Variants in CCT6B observed in about 807,000 individuals in gnomAD.
CCT6B encodes probable T-complex protein 1 subunit zeta-2.
CCT6B carries 49 observed loss-of-function variants against 61.5 expected under a neutral mutation model. The observed-to-expected ratio is 0.80, with a 90% CI of 0.63 to 1.01. CCT6B has a LOEUF of 1.01. Among genes scored for constraint, CCT6B ranks in the 50% least tolerant of loss-of-function variants. CCT6B has a pLI of 0.00. For missense variants in CCT6B, 666 were observed against 634.7 expected (o/e 1.05, Z -0.53); for synonymous variants, 228 against 214.5 (o/e 1.06, Z -0.55).
chr17:34,931,996 A>G (rs1331637088), intron 11 of CCT6B, among the ~76,000 whole-genome samples: 1 of 152,222 alleles, frequency 6.6e-6, no homozygotes, highest in Non-Finnish European at 1.5e-5. Flanking sequence ...TAAATTGATT[A>G]CATTTGGATA....
chr17:34,946,723 G>T (rs1416201588), intron 5 of CCT6B, among the ~76,000 whole-genome samples: 1 of 152,132 alleles, frequency 6.6e-6, no homozygotes, highest in Non-Finnish European at 1.5e-5. Flanking sequence ...AAATAGCAAA[G>T]AGAATGACCA....
rs1438950391 is a variant in CCT6B at position 34,929,008 on chromosome 17, C to G, written c.1477G>C (p.Gly493Arg). 2.5e-6 allele frequency: 4 copies of G among 1,609,164 alleles called. No homozygotes were observed. Among genetic ancestry groups the G allele is most frequent in the Non-Finnish European group, 3.4e-6 (4 of 1,176,580 alleles). Residue 493 changes from glycine to arginine, a missense_variant, in exon 13 of 14, where the codon GGA becomes CGA. Gly to Arg is a moderately radical substitution (Grantham distance 125, BLOSUM62 -2). Coordinates refer to ENST00000314144, the MANE Select transcript of CCT6B (RefSeq NM_006584.4). ...TGEPMVAADA[G>R]VWDNYCVKKQ... The stretch of plus-strand genomic sequence containing the variant: ...TTTACACAATAATTATCCCAAACTC[C>G]TGCATCTGCTGCTACCATTGGCTCA...
chr17:34,939,209 C>T lies in CCT6B; in HGVS notation c.1187G>A (p.Arg396His), dbSNP rs375397470. The change falls in exon 10 of 14, where the codon CGT (arginine) becomes CAT (histidine). Residue 396 changes from arginine (R) to histidine (H), a missense_variant. By Grantham distance (29) the Arg-to-His change is conservative (BLOSUM62 0). Transcript: ENST00000314144. ...QVKDAIRDGL[R>H]AIKNAIEDGC... ...ATCTTCAATGGCATTTTTGATAGCA[C>T]GAAGTCCATCTCTTATGGCATCCTT... 5.4e-4 allele frequency: 871 copies of T among 1,613,612 alleles called. 6 individuals are homozygous for T. In the South Asian group the frequency reaches 8.3e-3, roughly 15 times the overall value.
chr17:34,935,515 T>C (rs1339734461), intron 10 of CCT6B, among the ~76,000 whole-genome samples: 1 of 152,218 alleles, frequency 6.6e-6, no homozygotes, highest in Non-Finnish European at 1.5e-5. Context: ...ATCCCAAGAA[T>C]GTAAGGTTTG....
At chr17:34,937,687 T>C (rs1398092963) in intron 10 of CCT6B, among the ~76,000 whole-genome samples, 1 of 152,050 alleles carries the variant, frequency 6.6e-6, no homozygotes, top group African/African-American at 2.4e-5. Context: ...GCATAATCCA[T>C]GACAGAATAA....
intron 5 of CCT6B, among the ~76,000 whole-genome samples, chr17:34,951,066 A>G (rs1338252802): frequency 6.6e-6 from 1 of 152,248 alleles, no homozygotes. Context: ...GGAAGAAAGA[A>G]CCTACAAATT....
chr17:34,928,976 T>C lies in CCT6B; in HGVS notation c.1509A>G (p.Gln503=), dbSNP rs200079227. Residue 503 remains glutamine (Q), a synonymous_variant, in exon 13 of 14, where the codon CAA becomes CAG. Transcript: ENST00000314144. Reference sequence around the variant, plus strand: ...TATGAACTTACCAAGAGTGAAGAAGTTGTTTTTTTACACAATAATTATCCC... The same window carrying C: ...TATGAACTTACCAAGAGTGAAGAAGCTGTTTTTTTACACAATAATTATCCC... ...GVWDNYCVKK[Q]LLHSCTVIAT... is the part of the protein sequence containing the mutation. 6.9e-6 allele frequency: 11 copies of C among 1,597,052 alleles called. No individual in the cohort carries two copies. The highest frequency in any genetic ancestry group is 9.4e-6 in the Non-Finnish European group (11 of 1,165,468).
chr17:34,956,313 T>C (rs950511421), intron 3 of CCT6B, among the ~76,000 whole-genome samples: 3 of 152,184 alleles, frequency 2.0e-5, no homozygotes, highest in African/African-American at 7.2e-5. Context: ...TGGAAAGCCA[T>C]TCTCCTCACC....
intron 5 of CCT6B, among the ~76,000 whole-genome samples, chr17:34,946,567 CAACA>C (rs749355977): frequency 9.5e-4 from 144 of 151,956 alleles, no homozygotes; most frequent in Admixed American, 2.9e-3. Context: ...TTCAAGAAAA[CAACA>C]GACATAAATC....
intron 5 of CCT6B, chr17:34,943,370 A>T (rs2090187777): frequency 6.6e-6 from 1 of 152,382 alleles, no homozygotes; most frequent in Non-Finnish European, 1.5e-5. Context: ...TCTTAGGAAC[A>T]TTTATTCAAA....
intron 10 of CCT6B, among the ~76,000 whole-genome samples, chr17:34,935,411 T>C (rs2090082857): frequency 6.6e-6 from 1 of 152,236 alleles, no homozygotes; most frequent in African/African-American, 2.4e-5. Context: ...AATTTTATGT[T>C]ATGTATATTT....
rs1353097044 is a variant in CCT6B at position 34,942,925 on chromosome 17, T to A, written c.615-19A>T. The A allele has an allele frequency of 7.2e-7, 1 of 1,386,070 alleles. No individual in the cohort carries two copies. Among genetic ancestry groups the A allele is most frequent in the East Asian group, 2.4e-5 (1 of 41,106 alleles). The allele number at this position is 1,386,070 out of a possible 1,614,324, so 85.9% of individuals were successfully genotyped here. ...GATCAACCTATTAAAAATATTAATGTTTCTTACTTTGAATATATACTCTAA... is the reference window on the plus strand; with the variant it reads ...GATCAACCTATTAAAAATATTAATGATTCTTACTTTGAATATATACTCTAA... On this transcript the variant is annotated intron_variant, in intron 5 of 13. Coordinates refer to ENST00000314144, the MANE Select transcript of CCT6B (RefSeq NM_006584.4).
Position 34,932,501 on chromosome 17 carries a change from C to T in CCT6B, c.1214-1G>A, listed in dbSNP as rs767576428. ...GCACCAGCTCCAGGAACCATACAAC[C>T]TATTGGAGAGAAAAAATATGATTGG... On this transcript the variant is annotated splice_acceptor_variant, in intron 10 of 13. Transcript: ENST00000314144. LOFTEE classifies it high-confidence loss of function. 1.9e-5 allele frequency: 30 copies of T among 1,587,806 alleles called. No homozygotes were observed. Among genetic ancestry groups the T allele is most frequent in the Non-Finnish European group, 2.6e-5 (30 of 1,171,916 alleles).
chr17:34,958,975 T>C (rs1318612186), intron 2 of CCT6B, among the ~76,000 whole-genome samples: 1 of 152,106 alleles, frequency 6.6e-6, no homozygotes, highest in Non-Finnish European at 1.5e-5. Flanking sequence ...AATACATGTA[T>C]TAAACTTGCA....
At chr17:34,939,128 T>C (rs1487676022) in intron 10 of CCT6B, 55 bp downstream of exon 10, 1 of 1,309,408 alleles carries the variant, frequency 7.6e-7, no homozygotes, top group East Asian at 2.3e-5. Flanking sequence ...TATATATATA[T>C]ACATATATAC....
intron 3 of CCT6B, among the ~76,000 whole-genome samples, chr17:34,957,823 T>C (rs992677060): frequency 6.6e-6 from 1 of 152,180 alleles, no homozygotes; most frequent in Non-Finnish European, 1.5e-5. Context: ...CATGATGTTT[T>C]CAGAGGCCAG....
intron 12 of CCT6B, among the ~76,000 whole-genome samples, chr17:34,930,129 G>A (rs115805227): frequency 0.011 from 1,732 of 152,198 alleles, 33 homozygotes; most frequent in African/African-American, 0.039. Context: ...AAAATTAGCC[G>A]GGCGTGGCAG....
chr17:34,939,770 C>A (rs2090139614), intron 8 of CCT6B, 57 bp from the exon 9 acceptor site: 1 of 1,076,590 alleles, frequency 9.3e-7, no homozygotes, highest in Non-Finnish European at 1.4e-6. Context: ...ATACTAATTT[C>A]TCAGAGAGAA....
At chr17:34,942,713 C>G in intron 6 of CCT6B, 70 bp from the exon 7 acceptor site, 7 of 1,487,926 alleles carry the variant, frequency 4.7e-6, no homozygotes, top group Non-Finnish European at 6.4e-6. Flanking sequence ...GTAGTCTACA[C>G]CAAACATCTG....
Sources: allele counts gnomAD v4.1 joint callset (sites outside exome capture counted in the v4.1 genomes callset), GRCh38; gene constraint gnomAD v4.1.1; transcripts MANE v1.5; gene names NCBI Gene and HGNC (gene_info 2026-07-23, HGNC 2026-07-21).